The following ATXN1 variants were observed in gnomAD, a reference collection of about 807,000 sequenced individuals.
ATXN1 encodes ataxin 1, also known as ataxin-1.
ATXN1 carries 8 observed loss-of-function variants against 56.4 expected under a neutral mutation model. The ratio of observed to expected loss-of-function variants is 0.14; its 90% CI spans 0.08 to 0.26. The LOEUF (loss-of-function observed/expected upper bound fraction) is 0.26, where lower values mean the gene tolerates loss of function less well. Among genes scored for constraint, ATXN1 ranks in the 10% least tolerant of loss-of-function variants. The probability of loss-of-function intolerance (pLI) is 1.00; values close to 1 mark genes in which losing one functional copy is unlikely to be tolerated. For synonymous variants in ATXN1, 514 were observed against 494.6 expected (o/e 1.04, Z -0.52); for missense variants, 987 against 1,106.5 (o/e 0.89, Z 1.53).
intron 6 of ATXN1, among the ~76,000 whole-genome samples, chr6:16,355,624 C>T (rs780415042): frequency 8.6e-5 from 13 of 151,874 alleles, no homozygotes; most frequent in Admixed American, 3.3e-4. Context: ...TGAAGTGGCA[C>T]GATCTCGGCT....
chr6:16,686,991 A>T (rs1041783862), intron 2 of ATXN1, among the ~76,000 whole-genome samples: 3 of 152,188 alleles, frequency 2.0e-5, no homozygotes, highest in African/African-American at 7.2e-5. Flanking sequence ...CCTTGGATGG[A>T]ATTACAATCT....
intron 3 of ATXN1, among the ~76,000 whole-genome samples, chr6:16,591,349 A>C (rs1762719385): frequency 6.6e-6 from 1 of 152,206 alleles, no homozygotes; most frequent in Admixed American, 6.5e-5. Flanking sequence ...AGTTTACCCT[A>C]AGTATATGGT....
chr6:16,609,384 C>T (rs2113788706), intron 3 of ATXN1, among the ~76,000 whole-genome samples: 1 of 152,288 alleles, frequency 6.6e-6, no homozygotes, highest in Admixed American at 6.5e-5. Flanking sequence ...GCATCCTCTG[C>T]TACAAAGGGG....
intron 4 of ATXN1, among the ~76,000 whole-genome samples, chr6:16,579,398 T>C (rs1468099767): frequency 7.2e-6 from 1 of 138,632 alleles, no homozygotes; most frequent in Non-Finnish European, 1.5e-5. Context: ...TTTTTAGAGG[T>C]GGAAGAAACC....
intron 2 of ATXN1, among the ~76,000 whole-genome samples, chr6:16,748,067 G>A (rs566318865): frequency 6.6e-6 from 1 of 152,290 alleles, no homozygotes; most frequent in South Asian, 2.1e-4. Flanking sequence ...TCTTGATGCT[G>A]AATAACATTT....
intron 6 of ATXN1, among the ~76,000 whole-genome samples, chr6:16,476,998 C>A (rs1352677900): frequency 6.6e-6 from 1 of 152,230 alleles, no homozygotes; most frequent in Non-Finnish European, 1.5e-5. Flanking sequence ...ATTGAGACTA[C>A]AAAAACTCTT....
chr6:16,549,709 C>G (rs898733269), intron 4 of ATXN1, among the ~76,000 whole-genome samples: 1 of 152,000 alleles, frequency 6.6e-6, no homozygotes, highest in Non-Finnish European at 1.5e-5. Context: ...ACCAGCCTGA[C>G]CAACATGGTG....
At chr6:16,386,740 G>A (rs558233277) in intron 6 of ATXN1, among the ~76,000 whole-genome samples, 1 of 152,266 alleles carries the variant, frequency 6.6e-6, no homozygotes, top group South Asian at 2.1e-4. Flanking sequence ...ACTAAAAGAT[G>A]TACATAGAGA....
At chr6:16,720,779 C>T (rs571444181) in intron 2 of ATXN1, among the ~76,000 whole-genome samples, 1 of 152,278 alleles carries the variant, frequency 6.6e-6, no homozygotes, top group Admixed American at 6.5e-5. Context: ...TAAGTAATTA[C>T]CCTCTTTGAG....
intron 6 of ATXN1, among the ~76,000 whole-genome samples, chr6:16,469,704 C>G (rs1034744348): frequency 6.6e-6 from 1 of 152,190 alleles, no homozygotes; most frequent in African/African-American, 2.4e-5. Flanking sequence ...TGGCTCATGC[C>G]TGTAATCCCA....
chr6:16,490,063 C>T (rs1382451580), intron 5 of ATXN1, among the ~76,000 whole-genome samples: 2 of 144,698 alleles, frequency 1.4e-5, no homozygotes, highest in South Asian at 2.4e-4. Flanking sequence ...CTTTTGAGTA[C>T]ATTTAATCAC....
At chr6:16,618,284 A>G (rs1048569786) in intron 3 of ATXN1, among the ~76,000 whole-genome samples, 10 of 152,320 alleles carry the variant, frequency 6.6e-5, no homozygotes, top group African/African-American at 2.4e-4. Flanking sequence ...AAGGGGAGGA[A>G]GAGTGTTAAG....
intron 5 of ATXN1, among the ~76,000 whole-genome samples, chr6:16,507,557 G>T (rs1043552367): frequency 3.3e-5 from 5 of 152,164 alleles, no homozygotes. Context: ...TATTATGTAT[G>T]CCTGAATAAA....
In ATXN1 at chr6:16,299,439, G is replaced by A. The variant is rs1333635850; in HGVS notation, c.*6890C>T. 6.6e-6 allele frequency: 1 copy of A among 152,586 alleles called. No individual in the cohort carries two copies. The highest frequency in any genetic ancestry group is 1.5e-5 in the Non-Finnish European group (1 of 68,038). 9.5% of individuals were successfully genotyped at this position (152,586 alleles called of 1,614,324 possible). A position where few individuals can be genotyped will look rare whatever the true frequency, so the allele number is the denominator to read the frequency against. On this transcript the variant is annotated 3_prime_UTR_variant, in exon 8 of 8. Transcript: ENST00000436367. Reference sequence around the variant, plus strand: ...CACTGGAATTACAGAGAGTATGCACGCATATGGAAAAAAGTTCTCCTGTCA... The same window carrying A: ...CACTGGAATTACAGAGAGTATGCACACATATGGAAAAAAGTTCTCCTGTCA...
chr6:16,500,128 T>C lies in ATXN1; in HGVS notation c.-298-14019A>G, dbSNP rs535332209. On this transcript the variant is annotated intron_variant, in intron 5 of 7. Coordinates refer to ENST00000436367, the MANE Select transcript of ATXN1 (RefSeq NM_001128164.2). ...CACCACTTGCAAGCAATTAGGGATGTACATTTACATGATTTTAAAAGTCTT... is the reference window on the plus strand; with the variant it reads ...CACCACTTGCAAGCAATTAGGGATGCACATTTACATGATTTTAAAAGTCTT... Among the ~76,000 whole-genome samples the C allele has an allele frequency of 2.6e-4, 40 of 152,352 alleles. 1 individual carries two copies. The South Asian group carries it at 6.2e-3, about 24-fold the overall frequency.
chr6:16,382,756 G>A (rs1278486230), intron 6 of ATXN1, among the ~76,000 whole-genome samples: 1 of 152,002 alleles, frequency 6.6e-6, no homozygotes, highest in Non-Finnish European at 1.5e-5. Flanking sequence ...GCTTCCCTGG[G>A]CCACACTGGA....
chr6:16,548,011 C>T (rs887171696), intron 4 of ATXN1, among the ~76,000 whole-genome samples: 4 of 152,126 alleles, frequency 2.6e-5, no homozygotes, highest in Non-Finnish European at 4.4e-5. Context: ...TGCATCTTCA[C>T]GTGATTCTGT....
chr6:16,656,625 A>G (rs752003585), intron 3 of ATXN1, among the ~76,000 whole-genome samples: 7 of 152,190 alleles, frequency 4.6e-5, no homozygotes, highest in Non-Finnish European at 1.0e-4. Flanking sequence ...GGGCCCATGT[A>G]TACTTAAAAG....
chr6:16,670,341 G>GA (rs1286653014), intron 2 of ATXN1, among the ~76,000 whole-genome samples: 73 of 152,244 alleles, frequency 4.8e-4, no homozygotes, highest in Admixed American at 4.8e-3. Flanking sequence ...GCTGGCTCTA[G>GA]AAAATACAGA....
Sources: allele counts gnomAD v4.1 joint callset (sites outside exome capture counted in the v4.1 genomes callset), GRCh38; gene constraint gnomAD v4.1.1; transcripts MANE v1.5; gene names NCBI Gene and HGNC (gene_info 2026-07-23, HGNC 2026-07-21).